Variants in MEIS2 observed in about 807,000 individuals in gnomAD.
MEIS2 encodes homeobox protein Meis2.
A neutral mutation model predicts 58.6 loss-of-function variants in MEIS2; 9 were observed. That is an observed-to-expected ratio of 0.15 (90% CI 0.09 to 0.27). MEIS2 has a LOEUF of 0.27. Ranked by LOEUF, MEIS2 falls within the 10% of genes least tolerant of loss-of-function variation. The probability of loss-of-function intolerance (pLI) is 1.00; values close to 1 mark genes in which losing one functional copy is unlikely to be tolerated. For synonymous variants in MEIS2, 221 were observed against 228.4 expected (o/e 0.97, Z 0.29); for missense variants, 427 against 635.0 (o/e 0.67, Z 3.52).
intron 9 of MEIS2, among the ~76,000 whole-genome samples, chr15:36,908,816 G>A (rs190160442): frequency 3.3e-5 from 5 of 152,124 alleles, no homozygotes; most frequent in African/African-American, 4.8e-5. Context: ...GTGGATGCCT[G>A]CAATCCCAGC....
At chr15:37,079,680 A>G (rs11854996) in intron 7 of MEIS2, among the ~76,000 whole-genome samples, 32,275 of 152,136 alleles carry the variant, frequency 0.21, 3,763 homozygotes, top group Middle Eastern at 0.35. Flanking sequence ...CATGATTGCT[A>G]AACAACTGTA....
At chr15:37,079,253 G>GA (rs550681590) in intron 7 of MEIS2, among the ~76,000 whole-genome samples, 5 of 151,836 alleles carry the variant, frequency 3.3e-5, no homozygotes, top group South Asian at 4.2e-4. Flanking sequence ...GGACAGGAAG[G>GA]AAAAAAAATG....
intron 8 of MEIS2, among the ~76,000 whole-genome samples, chr15:36,983,980 A>C (rs1336029900): frequency 6.7e-6 from 1 of 150,238 alleles, no homozygotes; most frequent in Non-Finnish European, 1.5e-5. Context: ...TTGTATGTTG[A>C]TTTTGCATTC....
At chr15:36,906,200 T>A (rs944000581) in intron 9 of MEIS2, among the ~76,000 whole-genome samples, 4 of 152,192 alleles carry the variant, frequency 2.6e-5, no homozygotes, top group Non-Finnish European at 4.4e-5. Context: ...TCTTGAGTGA[T>A]AAATTGAATT....
chr15:37,100,598 G>A (rs1894991002), upstream of MEIS2: 1 of 149,212 alleles, frequency 6.7e-6, no homozygotes, highest in African/African-American at 2.5e-5. Context: ...GGGGCGGGAG[G>A]GGGAGGGGAG....
chr15:36,995,816 G>A (rs2141575115), intron 8 of MEIS2, among the ~76,000 whole-genome samples: 2 of 145,950 alleles, frequency 1.4e-5, no homozygotes, highest in Admixed American at 1.4e-4. Flanking sequence ...GCTTTATCAT[G>A]AGGAACTATT....
At position 36,890,068 on chromosome 15, in the gene MEIS2, A is replaced by T. The variant is rs1203216847; in HGVS notation, c.*2105T>A. The T allele has an allele frequency of 2.6e-5, 4 of 152,226 alleles. No homozygotes were observed. The highest frequency in any genetic ancestry group is 5.9e-5 in the Non-Finnish European group (4 of 68,020). 9.4% of individuals were successfully genotyped at this position (152,226 alleles called of 1,614,324 possible). ...CATAAATGCTGTCTGAAATGGAAAG[A>T]TGGAAGAGCCCCAAATAATAACTAT... On this transcript the variant is annotated 3_prime_UTR_variant, in exon 12 of 12. Transcript: ENST00000561208.
chr15:36,994,560 A>G (rs1160616111), intron 8 of MEIS2, among the ~76,000 whole-genome samples: 2 of 152,222 alleles, frequency 1.3e-5, no homozygotes, highest in African/African-American at 4.8e-5. Flanking sequence ...CAATTTAAAC[A>G]CAGATATGTC....
intron 8 of MEIS2, among the ~76,000 whole-genome samples, chr15:36,988,546 G>C (rs111775920): frequency 1.3e-5 from 2 of 152,188 alleles, no homozygotes; most frequent in African/African-American, 4.8e-5. Flanking sequence ...TAACAGTCCT[G>C]AGGAAAATAG....
intron 9 of MEIS2, among the ~76,000 whole-genome samples, chr15:36,900,002 C>G (rs892260590): frequency 1.3e-5 from 2 of 152,184 alleles, no homozygotes; most frequent in Non-Finnish European, 2.9e-5. Flanking sequence ...AAAACCCCCA[C>G]AAGTTATTTC....
intron 7 of MEIS2, among the ~76,000 whole-genome samples, chr15:37,048,071 T>A (rs1464802638): frequency 6.6e-6 from 1 of 152,172 alleles, no homozygotes; most frequent in Non-Finnish European, 1.5e-5. Flanking sequence ...CTGGCTAACA[T>A]CTCTGAATCA....
chr15:37,099,079 GGCAGCGGCGCA>G, intron 1 of MEIS2: 1 of 989,314 alleles, frequency 1.0e-6, no homozygotes. Flanking sequence ...GAGCCACGGC[GGCAGCGGCGCA>G]GCAGCGGCAG....
chr15:37,000,803 G>A (rs1410726362), intron 8 of MEIS2, among the ~76,000 whole-genome samples: 5 of 152,034 alleles, frequency 3.3e-5, no homozygotes, highest in Non-Finnish European at 7.4e-5. Context: ...TTTAAAAGAA[G>A]AGAAGCAAAA....
chr15:36,982,553 C>T (rs1461553065), intron 8 of MEIS2, among the ~76,000 whole-genome samples: 1 of 152,096 alleles, frequency 6.6e-6, no homozygotes, highest in Non-Finnish European at 1.5e-5. Flanking sequence ...ATTCATCTGT[C>T]AATAGATACT....
chr15:37,040,425 C>A (rs1281849830), intron 7 of MEIS2, among the ~76,000 whole-genome samples: 1 of 152,078 alleles, frequency 6.6e-6, no homozygotes, highest in East Asian at 1.9e-4. Flanking sequence ...ACTGCACACA[C>A]TATATACCTA....
chr15:37,096,698 C>T (rs967791958), intron 2 of MEIS2, among the ~76,000 whole-genome samples: 1 of 152,092 alleles, frequency 6.6e-6, no homozygotes, highest in Non-Finnish European at 1.5e-5. Flanking sequence ...TAAAAACAGC[C>T]TCAGTTGGAA....
intron 7 of MEIS2, among the ~76,000 whole-genome samples, chr15:37,063,338 A>G (rs1260402336): frequency 6.6e-6 from 1 of 152,168 alleles, no homozygotes; most frequent in African/African-American, 2.4e-5. Context: ...ACTGCTAGGT[A>G]TCCGACATCA....
chr15:36,918,637 T>C (rs1567050592), intron 9 of MEIS2, among the ~76,000 whole-genome samples: 1 of 151,292 alleles, frequency 6.6e-6, no homozygotes, highest in Non-Finnish European at 1.5e-5. Context: ...GCCAGAAGAG[T>C]GGCCATGGGT....
chr15:37,061,449 G>A (rs1025082765), intron 7 of MEIS2, among the ~76,000 whole-genome samples: 2 of 152,150 alleles, frequency 1.3e-5, no homozygotes, highest in African/African-American at 4.8e-5. Flanking sequence ...GACTGCACTC[G>A]TATTTATAAA....
Sources: allele counts gnomAD v4.1 joint callset (sites outside exome capture counted in the v4.1 genomes callset), GRCh38; gene constraint gnomAD v4.1.1; transcripts MANE v1.5; gene names NCBI Gene and HGNC (gene_info 2026-07-23, HGNC 2026-07-21).